The following MAGI1 variants were observed in gnomAD, a reference collection of about 807,000 sequenced individuals.
The protein encoded by MAGI1 is membrane associated guanylate kinase, WW and PDZ domain containing 1, also known as membrane-associated guanylate kinase, WW and PDZ domain-containing protein 1.
In MAGI1, 58 loss-of-function variants were observed where a neutral mutation model predicts 139.9. The observed-to-expected ratio is 0.41, with a 90% CI of 0.34 to 0.52. The LOEUF is 0.52. Ranked by LOEUF, MAGI1 falls within the 20% of genes least tolerant of loss-of-function variation. The pLI, the probability that MAGI1 is intolerant of heterozygous loss-of-function variation, is 0.12. For missense variants in MAGI1, 1,874 were observed against 1,901.6 expected, an observed-to-expected ratio of 0.99 and a Z score of 0.27; for synonymous variants, 812 against 737.9, an observed-to-expected ratio of 1.10 and a Z score of -1.63.
chr3:65,595,171 C>G (rs1241626811), intron 2 of MAGI1, among the ~76,000 whole-genome samples: 1 of 152,124 alleles, frequency 6.6e-6, no homozygotes, highest in Non-Finnish European at 1.5e-5. Context: ...GAATAGAAAA[C>G]AAGGGGAAAG....
intron 1 of MAGI1, among the ~76,000 whole-genome samples, chr3:65,631,886 G>A (rs949308816): frequency 1.3e-5 from 2 of 151,976 alleles, no homozygotes; most frequent in Admixed American, 6.6e-5. Flanking sequence ...TTAGACGGGC[G>A]TGGTGGCAGG....
intron 1 of MAGI1, among the ~76,000 whole-genome samples, chr3:66,000,140 TTTTC>T (rs1181911410): frequency 6.6e-5 from 10 of 151,888 alleles, no homozygotes; most frequent in Admixed American, 1.3e-4. Context: ...GCCCGGCTAA[TTTTC>T]TTTTTGTATT....
chr3:65,557,513 T>C (rs1281364784), intron 2 of MAGI1, among the ~76,000 whole-genome samples: 2 of 152,220 alleles, frequency 1.3e-5, no homozygotes, highest in Admixed American at 6.5e-5. Flanking sequence ...TCAGAAACTG[T>C]GTGAGATCAT....
At chr3:65,751,839 A>G (rs2036177759) in intron 1 of MAGI1, among the ~76,000 whole-genome samples, 1 of 152,252 alleles carries the variant, frequency 6.6e-6, no homozygotes, top group Non-Finnish European at 1.5e-5. Context: ...TCTCCATCCA[A>G]TTTTAAAAAA....
chr3:65,709,058 T>C (rs939645415), intron 1 of MAGI1, among the ~76,000 whole-genome samples: 1 of 152,224 alleles, frequency 6.6e-6, no homozygotes, highest in Non-Finnish European at 1.5e-5. Flanking sequence ...CCTGCACATC[T>C]GGGCTTTGGC....
chr3:65,562,515 C>T (rs186525486), intron 2 of MAGI1, among the ~76,000 whole-genome samples: 17 of 152,190 alleles, frequency 1.1e-4, no homozygotes, highest in Non-Finnish European at 1.9e-4. Context: ...TAGAGACAAG[C>T]TCTATCTCTG....
At position 65,774,637 on chromosome 3, in the gene MAGI1, G is replaced by A. The variant is rs866861160; in HGVS notation, c.314-152549C>T. Among the ~76,000 whole-genome samples, 4 of 152,180 alleles carry A rather than the reference G, an allele frequency of 2.6e-5. No individual in the cohort carries two copies. The South Asian group carries it at 8.3e-4, about 32-fold the overall frequency. On this transcript the variant is annotated intron_variant, in intron 1 of 22. Transcript: ENST00000402939. ...ATACTGTGCACCCATTCTTAACCCT[G>A]ACATTTCACATCTGCTTGCCTAAGA...
At chr3:65,780,431 A>C (rs1223611896) in intron 1 of MAGI1, among the ~76,000 whole-genome samples, 1 of 152,210 alleles carries the variant, frequency 6.6e-6, no homozygotes, top group Non-Finnish European at 1.5e-5. Context: ...TTTAAAGCAA[A>C]AGTTCTATAA....
intron 1 of MAGI1, among the ~76,000 whole-genome samples, chr3:65,764,568 A>T (rs760293097): frequency 7.4e-4 from 112 of 152,320 alleles, no homozygotes; most frequent in Middle Eastern, 3.4e-3. Context: ...TTAAAGTTTT[A>T]AAAAAGGCTG....
intron 1 of MAGI1, among the ~76,000 whole-genome samples, chr3:65,722,971 T>TAA (rs151181033): frequency 0.028 from 3,744 of 135,088 alleles, 159 homozygotes; most frequent in African/African-American, 0.094. Context: ...TCTGTTGTAG[T>TAA]AAAAAAAAAA....
At chr3:65,397,098 C>T (rs928806690) in intron 13 of MAGI1, among the ~76,000 whole-genome samples, 1 of 152,164 alleles carries the variant, frequency 6.6e-6, no homozygotes, top group East Asian at 1.9e-4. Flanking sequence ...TGCCTTCACC[C>T]ATCTACTACT....
At chr3:65,568,998 A>G (rs2080814361) in intron 2 of MAGI1, among the ~76,000 whole-genome samples, 1 of 152,242 alleles carries the variant, frequency 6.6e-6, no homozygotes, top group African/African-American at 2.4e-5. Flanking sequence ...TGTTTGGCTC[A>G]CACAGTACTT....
At chr3:65,949,177 C>T (rs777039227) in intron 1 of MAGI1, among the ~76,000 whole-genome samples, 38 of 152,164 alleles carry the variant, frequency 2.5e-4, no homozygotes, top group Non-Finnish European at 2.2e-4. Context: ...GTCCAGAGCA[C>T]GTGTCATATC....
intron 1 of MAGI1, among the ~76,000 whole-genome samples, chr3:65,786,531 G>C (rs1004884723): frequency 2.6e-5 from 4 of 151,478 alleles, no homozygotes; most frequent in Non-Finnish European, 5.9e-5. Context: ...TTGAACTCCT[G>C]GGCTTAAGCA....
chr3:65,731,070 G>T (rs1207002661), intron 1 of MAGI1, among the ~76,000 whole-genome samples: 1 of 152,090 alleles, frequency 6.6e-6, no homozygotes, highest in African/African-American at 2.4e-5. Context: ...GTGCAACAGG[G>T]CATTTCTTCC....
intron 5 of MAGI1, among the ~76,000 whole-genome samples, chr3:65,463,673 A>G (rs1022940834): frequency 2.0e-5 from 3 of 150,686 alleles, no homozygotes; most frequent in African/African-American, 4.9e-5. Context: ...CTCTTTTTCT[A>G]TTGCTTGGAA....
At chr3:65,503,191 T>C (rs1256387504) in intron 2 of MAGI1, among the ~76,000 whole-genome samples, 1 of 152,160 alleles carries the variant, frequency 6.6e-6, no homozygotes, top group Non-Finnish European at 1.5e-5. Context: ...GATGCCTCAT[T>C]GTAAATGAGA....
At chr3:65,457,982 T>C (rs1177580579) in intron 5 of MAGI1, among the ~76,000 whole-genome samples, 1 of 152,168 alleles carries the variant, frequency 6.6e-6, no homozygotes, top group Non-Finnish European at 1.5e-5. Flanking sequence ...GTAACCATCA[T>C]TCTACTCTAC....
intron 1 of MAGI1, among the ~76,000 whole-genome samples, chr3:65,830,449 C>A (rs1326341915): frequency 1.3e-5 from 2 of 152,058 alleles, no homozygotes; most frequent in South Asian, 2.1e-4. Context: ...TTGGTTCAAC[C>A]ACGGCTCCAG....
Sources: allele counts gnomAD v4.1 joint callset (sites outside exome capture counted in the v4.1 genomes callset), GRCh38; gene constraint gnomAD v4.1.1; transcripts MANE v1.5; gene names NCBI Gene and HGNC (gene_info 2026-07-23, HGNC 2026-07-21).